Variants in DOCK3 observed in about 807,000 individuals in gnomAD.
DOCK3 encodes the protein dedicator of cytokinesis 3, also known as dedicator of cytokinesis protein 3.
Under a neutral mutation model 265.6 loss-of-function variants are expected in DOCK3, and 60 were observed. That is an observed-to-expected ratio of 0.23 (90% CI 0.18 to 0.28). The LOEUF (loss-of-function observed/expected upper bound fraction) is 0.28, where lower values mean the gene tolerates loss of function less well. DOCK3 is among the 10% of genes least tolerant of loss of function. The pLI, the probability that DOCK3 is intolerant of heterozygous loss-of-function variation, is 1.00. For synonymous variants in DOCK3, 881 were observed against 938.0 expected (o/e 0.94, Z 1.11); for missense variants, 1,981 against 2,594.3 (o/e 0.76, Z 5.14).
chr3:50,806,995 T>C (rs946461127), intron 2 of DOCK3, among the ~76,000 whole-genome samples: 1 of 152,060 alleles, frequency 6.6e-6, no homozygotes, highest in Non-Finnish European at 1.5e-5. Context: ...TCCCTTACAA[T>C]GGGAAGTCCC....
At chr3:51,085,914 T>A (rs55699461) in intron 7 of DOCK3, among the ~76,000 whole-genome samples, 1 of 152,056 alleles carries the variant, frequency 6.6e-6, no homozygotes, top group African/African-American at 2.4e-5. Context: ...GATAAACCAC[T>A]AGACTAATCG....
chr3:50,836,997 A>C (rs1291595842), intron 2 of DOCK3, among the ~76,000 whole-genome samples: 2 of 152,130 alleles, frequency 1.3e-5, no homozygotes, highest in Non-Finnish European at 2.9e-5. Flanking sequence ...ATCTGAGACC[A>C]CCTCAGCCTG....
intron 9 of DOCK3, among the ~76,000 whole-genome samples, chr3:51,118,675 C>G (rs4927985): frequency 0.9 from 137,203 of 152,246 alleles, 62,018 homozygotes; most frequent in African/African-American, 0.95. Context: ...AGGATAGTTA[C>G]CTCTTCTTGT....
chr3:51,051,550 G>T (rs1288045774), intron 5 of DOCK3, among the ~76,000 whole-genome samples: 2 of 152,118 alleles, frequency 1.3e-5, no homozygotes, highest in African/African-American at 2.4e-5. Context: ...TTGTAAAGGG[G>T]TGAGCAAATT....
At chr3:51,135,090 C>G (rs113663723) in intron 9 of DOCK3, among the ~76,000 whole-genome samples, 5,079 of 152,292 alleles carry the variant, frequency 0.033, 301 homozygotes, top group African/African-American at 0.11. Context: ...TTTTCTCTGA[C>G]TTTCAGACAT....
intron 27 of DOCK3, among the ~76,000 whole-genome samples, chr3:51,289,056 A>G (rs1433679558): frequency 6.6e-6 from 1 of 151,978 alleles, no homozygotes; most frequent in Non-Finnish European, 1.5e-5. Flanking sequence ...AAATAGAGAA[A>G]CAGCTCTAGG....
Position 51,374,710 on chromosome 3 carries a change from G to T in DOCK3, c.5412+123G>T. The T allele has an allele frequency of 1.1e-6, 1 of 921,176 alleles. No individual in the cohort carries two copies. Among genetic ancestry groups the T allele is most frequent in the South Asian group, 1.6e-5 (1 of 63,454 alleles). 57.1% of individuals were successfully genotyped at this position (921,176 alleles called of 1,614,324 possible). The stretch of plus-strand genomic sequence containing the variant: ...CTCTCTCATTCCGCTGTAAGATCCC[G>T]CAAAAGGCCGCTGGGCTTCTGGATG... On this transcript the variant is annotated intron_variant, in intron 50 of 52. Transcript: ENST00000266037. This position sits in a 1 kb window ranked among gnomAD's most constrained non-coding sequence, Gnocchi z 4.8.
At chr3:51,271,172 G>A (rs1237352464) in intron 24 of DOCK3, among the ~76,000 whole-genome samples, 165 bp downstream of exon 24, 10 of 152,174 alleles carry the variant, frequency 6.6e-5, no homozygotes, top group Admixed American at 3.3e-4. Flanking sequence ...AATAGAGAAT[G>A]CAGCCAAGAC....
At chr3:51,271,163 A>G (rs1031620413) in intron 24 of DOCK3, among the ~76,000 whole-genome samples, 156 bp downstream of exon 24, 1 of 152,206 alleles carries the variant, frequency 6.6e-6, no homozygotes, top group Admixed American at 6.5e-5. Flanking sequence ...ATAAACTATA[A>G]TAGAGAATGC....
chr3:50,923,483 G>A (rs897035440), intron 4 of DOCK3, among the ~76,000 whole-genome samples: 10 of 152,022 alleles, frequency 6.6e-5, no homozygotes, highest in East Asian at 1.9e-4. Context: ...ATAATCTCAC[G>A]AATATTCTCC....
At chr3:51,214,911 G>A (rs1427429304) in intron 14 of DOCK3, among the ~76,000 whole-genome samples, 1 of 152,152 alleles carries the variant, frequency 6.6e-6, no homozygotes, top group Non-Finnish European at 1.5e-5. Flanking sequence ...GACATGGGTA[G>A]GGCTGGAAAA....
intron 13 of DOCK3, among the ~76,000 whole-genome samples, chr3:51,212,395 C>T (rs2089560178): frequency 6.6e-6 from 1 of 151,770 alleles, no homozygotes; most frequent in African/African-American, 2.4e-5. Context: ...AGTACTTAAA[C>T]CCTTGCCAAT....
chr3:51,144,074 A>T (rs1316915100), intron 9 of DOCK3, among the ~76,000 whole-genome samples: 1 of 152,030 alleles, frequency 6.6e-6, no homozygotes, highest in African/African-American at 2.4e-5. Flanking sequence ...TTTCATATGG[A>T]TTGTTCAGCA....
intron 35 of DOCK3, among the ~76,000 whole-genome samples, chr3:51,336,211 C>T (rs2084858815): frequency 6.6e-6 from 1 of 152,146 alleles, no homozygotes; most frequent in South Asian, 2.1e-4. Context: ...AGGAATACCT[C>T]TTCAACTTTT....
intron 2 of DOCK3, among the ~76,000 whole-genome samples, chr3:50,821,700 C>T (rs1408846413): frequency 6.6e-6 from 1 of 152,180 alleles, no homozygotes; most frequent in Non-Finnish European, 1.5e-5. Flanking sequence ...CAGCTTCATT[C>T]TTCTGCATAT....
intron 1 of DOCK3, among the ~76,000 whole-genome samples, chr3:50,769,156 A>AT (rs928993182): frequency 6.6e-6 from 1 of 150,406 alleles, no homozygotes; most frequent in Non-Finnish European, 1.5e-5. Flanking sequence ...GTTTGCAGAT[A>AT]TTTTTTTCCC....
At chr3:51,220,762 T>C (rs978117854) in intron 14 of DOCK3, among the ~76,000 whole-genome samples, 2 of 148,810 alleles carry the variant, frequency 1.3e-5, no homozygotes, top group Non-Finnish European at 3.0e-5. Flanking sequence ...CCTCCTAATA[T>C]GAAGTGTGAG....
intron 5 of DOCK3, among the ~76,000 whole-genome samples, chr3:50,937,826 A>G (rs1288659756): frequency 2.0e-5 from 3 of 152,164 alleles, no homozygotes; most frequent in African/African-American, 7.2e-5. Context: ...GAAAAATAAG[A>G]AAGGGGAAAT....
intron 1 of DOCK3, among the ~76,000 whole-genome samples, chr3:50,695,704 A>G (rs958230855): frequency 3.3e-5 from 5 of 152,228 alleles, no homozygotes; most frequent in Admixed American, 6.5e-5. Context: ...AGAGGAATGG[A>G]CACAATGGGC....
Sources: allele counts gnomAD v4.1 joint callset (sites outside exome capture counted in the v4.1 genomes callset), GRCh38; gene constraint gnomAD v4.1.1; non-coding constraint Gnocchi (gnomAD v3.1); transcripts MANE v1.5; gene names NCBI Gene and HGNC (gene_info 2026-07-23, HGNC 2026-07-21).